Variants in RBM28 observed in about 807,000 individuals in gnomAD.
RBM28 encodes the protein RNA-binding protein 28.
RBM28 carries 78 observed loss-of-function variants against 98.3 expected under a neutral mutation model. The ratio of observed to expected loss-of-function variants is 0.79; its 90% confidence interval spans 0.66 to 0.96. RBM28 has a LOEUF of 0.96. Ranked by LOEUF, RBM28 falls within the 40% of genes least tolerant of loss-of-function variation. The pLI is 0.00. For synonymous variants in RBM28, 306 were observed against 330.9 expected (o/e 0.92, Z 0.82); for missense variants, 838 against 913.0 (o/e 0.92, Z 1.06).
In RBM28 at chr7:128,298,028, C is replaced by G. The variant is rs369207064; in HGVS notation, c.*12769G>C. On this transcript the variant is annotated 3_prime_UTR_variant, in exon 19 of 19. Transcript: ENST00000223073. ...GGGAGGGATAGCATTGGGAGATATA[C>G]CTAATGCTAGATGACGAGTTAGTGG... 1.0e-5 allele frequency: 1 copy of G among 98,886 alleles called. No individual in the cohort carries two copies. Among genetic ancestry groups the G allele is most frequent in the Admixed American group, 1.1e-4 (1 of 9,126 alleles). The allele number at this position is 98,886 out of a possible 1,614,324, so 6.1% of individuals were successfully genotyped here.
In RBM28 at chr7:128,314,774, G is replaced by C. The variant is rs182541865; in HGVS notation, c.2035C>G (p.Pro679Ala). 100 of 1,614,154 alleles carry C rather than the reference G, an allele frequency of 6.2e-5. No homozygotes were observed. The East Asian group carries it at 2.2e-3, about 35-fold the overall frequency. Residue 679 changes from proline (P) to alanine (A), a missense_variant, in exon 17 of 19, where the codon CCC becomes GCC. Physicochemically the swap from Pro to Ala is conservative, Grantham distance 27. Coordinates refer to ENST00000223073, the MANE Select transcript of RBM28 (RefSeq NM_018077.3). ...CCTCCTGCATCTCACCTGATTTTGG[G>C]GCCTCGGTGTGAGGGGAGCGCCAGG... ...KVLALPSHRG[P>A]KIRLRDKGKV...
rs1795879884 is a variant in RBM28, at chr7:128,306,997, C to G, written c.*3800G>C. ...GGATGTGAATAACTTCTAAACTGGTCAGCCTTGGACAAAAGGAAATCTGGA... is the reference window on the plus strand; with the variant it reads ...GGATGTGAATAACTTCTAAACTGGTGAGCCTTGGACAAAAGGAAATCTGGA... On this transcript the variant is annotated 3_prime_UTR_variant, in exon 19 of 19. Coordinates refer to ENST00000223073, the MANE Select transcript of RBM28 (RefSeq NM_018077.3). The G allele has an allele frequency of 6.6e-6, 1 of 152,258 alleles. No individual in the cohort carries two copies. Among genetic ancestry groups the G allele is most frequent in the African/African-American group, 2.4e-5 (1 of 41,458 alleles). 9.4% of individuals were successfully genotyped at this position (152,258 alleles called of 1,614,324 possible). A position where few individuals can be genotyped will look rare whatever the true frequency, so the allele number is the denominator to read the frequency against.
At chr7:128,342,091 T>C (rs1443463749) in intron 1 of RBM28, among the ~76,000 whole-genome samples, 1 of 151,820 alleles carries the variant, frequency 6.6e-6, no homozygotes, top group Non-Finnish European at 1.5e-5. Context: ...CCCAGGAGTT[T>C]AAGGTTACAT....
At position 128,339,289 on chromosome 7, in the gene RBM28, C is replaced by T; in HGVS notation, c.310G>A (p.Ala104Thr). The part of the protein sequence containing the change: ...NSECPKKEPK[A>T]KKAKVADKKA... ...TTATCTGCCACTTTGGCTTTTTTAG[C>T]CTTCGGCTCCTTCTTTGGGCACTCT... The change falls in exon 3 of 19, where the codon GCT becomes ACT. Residue 104 changes from alanine (A) to threonine (T), a missense_variant. Ala to Thr is a moderately conservative substitution (Grantham distance 58). Coordinates refer to ENST00000223073, the MANE Select transcript of RBM28 (RefSeq NM_018077.3). 1 of 1,613,368 alleles carries T rather than the reference C, an allele frequency of 6.2e-7. No individual in the cohort carries two copies. Among genetic ancestry groups the T allele is most frequent in the Non-Finnish European group, 8.5e-7 (1 of 1,179,398 alleles).
intron 2 of RBM28, 122 bp downstream of exon 2, chr7:128,339,511 G>T (rs1796675962): frequency 1.5e-6 from 2 of 1,329,104 alleles, no homozygotes; most frequent in Non-Finnish European, 2.1e-6. Context: ...TGATTTTGGA[G>T]ATCAAAAAGA....
At position 128,343,873 on chromosome 7, in the gene RBM28, G is replaced by T. The variant is rs761224808; in HGVS notation, c.-80C>A. The stretch of plus-strand genomic sequence containing the variant: ...CGAGCCGAAACGCTGGCTTTGGTAG[G>T]ACAACCAAGCTCACACGCCGAGAGA... On this transcript the variant is annotated 5_prime_UTR_variant, in exon 1 of 19. Transcript: ENST00000223073. The T allele has an allele frequency of 1.4e-5, 14 of 999,276 alleles. No homozygotes were observed. Among genetic ancestry groups the T allele is most frequent in the Non-Finnish European group, 1.9e-5 (13 of 683,808 alleles). 61.9% of individuals were successfully genotyped at this position (999,276 alleles called of 1,614,324 possible).
At chr7:128,325,953 T>G in intron 10 of RBM28, 62 bp from the exon 11 acceptor site, 1 of 1,313,830 alleles carries the variant, frequency 7.6e-7, no homozygotes. Context: ...AAAGACAACA[T>G]TGCAAATGGC....
Position 128,326,346 on chromosome 7 carries a change from G to GACGTTTT in RBM28, c.1130-462_1130-456dup, listed in dbSNP as rs556980107. Reference sequence around the variant, plus strand: ...AAGTACAGCCATGTACTTGCATAAGGACGTTTTGGTCAGTGACAGACTGCA... The same window carrying GACGTTTT: ...AAGTACAGCCATGTACTTGCATAAGGACGTTTTACGTTTTGGTCAGTGACAGACTGCA... On this transcript the variant is annotated intron_variant, in intron 10 of 18. Transcript: ENST00000223073. Among the ~76,000 whole-genome samples, 8 of 151,426 alleles carry GACGTTTT rather than the reference G, an allele frequency of 5.3e-5. No individual in the cohort carries two copies. In the East Asian group the frequency reaches 1.6e-3, roughly 29 times the overall value.
rs148524923 is a variant in RBM28, at chr7:128,332,931, G to A, written c.1019+359C>T. Reference sequence around the variant, plus strand: ...GGACACTGCATCAGAAGATAAGTTAGGCATAAAGACAGAAATCATTTGAGA... The same window carrying A: ...GGACACTGCATCAGAAGATAAGTTAAGCATAAAGACAGAAATCATTTGAGA... On this transcript the variant is annotated intron_variant, in intron 9 of 18. Transcript: ENST00000223073. Among the ~76,000 whole-genome samples the A allele has an allele frequency of 4.8e-3, 726 of 152,292 alleles. 9 individuals carry two copies. Among genetic ancestry groups the A allele is most frequent in the South Asian group, 0.042 (204 of 4,828 alleles).
intron 1 of RBM28, among the ~76,000 whole-genome samples, chr7:128,342,557 C>T (rs1796749129): frequency 6.6e-6 from 1 of 152,162 alleles, no homozygotes; most frequent in African/African-American, 2.4e-5. Context: ...TGACACTCGC[C>T]TGTAATCCCA....
Position 128,335,625 on chromosome 7 carries a change from A to C in RBM28, c.864T>G (p.Ser288Arg). The change falls in exon 8 of 19, where the codon AGT becomes AGG. Residue 288 changes from serine to arginine, a missense_variant. Coordinates refer to ENST00000223073, the MANE Select transcript of RBM28 (RefSeq NM_018077.3). ...CAATACTATCGCTTTCCTCTAGGTCACTGTCCTCCTCAGAATGATCACTGC... is the reference window on the plus strand; with the variant it reads ...CAATACTATCGCTTTCCTCTAGGTCCCTGTCCTCCTCAGAATGATCACTGC... ...AKSSDHSEED[S>R]DLEESDSIDD... is the part of the protein sequence containing the mutation. The C allele has an allele frequency of 1.2e-6, 2 of 1,614,162 alleles. No individual in the cohort carries two copies. Among genetic ancestry groups the C allele is most frequent in the Non-Finnish European group, 1.7e-6 (2 of 1,180,016 alleles).
Position 128,308,839 on chromosome 7 carries a change from G to C in RBM28, c.*1958C>G, listed in dbSNP as rs573797239. Reference sequence around the variant, plus strand: ...CTAAAAATACAAAAATTAGCCGGGCGTGGTGGCAGCACCTGTAATCCCCGC... The same window carrying C: ...CTAAAAATACAAAAATTAGCCGGGCCTGGTGGCAGCACCTGTAATCCCCGC... On this transcript the variant is annotated 3_prime_UTR_variant, in exon 19 of 19. Coordinates refer to ENST00000223073, the MANE Select transcript of RBM28 (RefSeq NM_018077.3). 1.3e-5 allele frequency: 2 copies of C among 152,054 alleles called. No individual in the cohort carries two copies. The highest frequency in any genetic ancestry group is 1.5e-5 in the Non-Finnish European group (1 of 68,110). The allele number at this position is 152,054 out of a possible 1,614,324, so 9.4% of individuals were successfully genotyped here.
At position 128,308,974 on chromosome 7, in the gene RBM28, C is replaced by CAAAAAAAAAAAAAAA. The variant is rs58579696; in HGVS notation, c.*1808_*1822dup. 1 of 73,770 alleles carries CAAAAAAAAAAAAAAA rather than the reference C, an allele frequency of 1.4e-5. No individual in the cohort carries two copies. The highest frequency in any genetic ancestry group is 5.8e-5 in the African/African-American group (1 of 17,314). 4.6% of individuals were successfully genotyped at this position (73,770 alleles called of 1,614,324 possible). On this transcript the variant is annotated 3_prime_UTR_variant, in exon 19 of 19. Coordinates refer to ENST00000223073, the MANE Select transcript of RBM28 (RefSeq NM_018077.3). ...CCTGGGCAACAGAGCAAGACTGTCT[C>CAAAAAAAAAAAAAAA]AAAAAAAAAAAAAAAAAAGAAATAA...
chr7:128,312,916 A>G (rs1207812927), intron 18 of RBM28, among the ~76,000 whole-genome samples: 4 of 152,178 alleles, frequency 2.6e-5, no homozygotes, highest in Admixed American at 6.5e-5. Flanking sequence ...TTGCTTTAAT[A>G]TACTCTAGTG....
chr7:128,310,373 G>A lies in RBM28; in HGVS notation c.*424C>T, dbSNP rs374825486. 4 of 269,932 alleles carry A rather than the reference G, an allele frequency of 1.5e-5. No individual in the cohort carries two copies. In the East Asian group the frequency reaches 2.9e-4, roughly 20 times the overall value. The allele number at this position is 269,932 out of a possible 1,614,324, so 16.7% of individuals were successfully genotyped here. On this transcript the variant is annotated 3_prime_UTR_variant, in exon 19 of 19. Coordinates refer to ENST00000223073, the MANE Select transcript of RBM28 (RefSeq NM_018077.3). ...CAAAGAATGTTCATACATAATAAAG[G>A]AGTCACACATATTAGAAATGACGTT... is the stretch of plus-strand genomic sequence containing the variant.
Position 128,324,617 on chromosome 7 carries a change from C to T in RBM28, c.1281G>A (p.Gln427=). 1.2e-6 allele frequency: 2 copies of T among 1,614,230 alleles called. No homozygotes were observed. The highest frequency in any genetic ancestry group is 1.7e-6 in the Non-Finnish European group (2 of 1,180,044). Residue 427 remains glutamine, a synonymous_variant, in exon 12 of 19, where the codon CAG becomes CAA. Transcript: ENST00000223073. ...CAGTCGGCTTCTTCACCTTCGTCGTCTGAAGCTTTGCAGCCTCATCACGGG... is the reference window on the plus strand; with the variant it reads ...CAGTCGGCTTCTTCACCTTCGTCGTTTGAAGCTTTGCAGCCTCATCACGGG... ...AVTRDEAAKL[Q]TTKVKKPTGT... is the part of the protein sequence containing the mutation.
chr7:128,343,478 G>T (rs1796772529), intron 1 of RBM28, among the ~76,000 whole-genome samples, 198 bp downstream of exon 1: 2 of 152,214 alleles, frequency 1.3e-5, no homozygotes, highest in African/African-American at 4.8e-5. Context: ...AAGCGCTATA[G>T]AAACGTAAGG....
At chr7:128,315,111 T>G (rs147116964) in intron 16 of RBM28, 91 bp from the exon 17 acceptor site, 1 of 1,556,806 alleles carries the variant, frequency 6.4e-7, no homozygotes, top group South Asian at 1.1e-5. Context: ...GTGAGCTAGA[T>G]GAAAGAAGAG....
intron 16 of RBM28, among the ~76,000 whole-genome samples, chr7:128,315,344 C>T (rs777223934): frequency 3.6e-4 from 55 of 152,244 alleles, no homozygotes; most frequent in Non-Finnish European, 7.2e-4. Context: ...AAGAAGAAAG[C>T]AAGCAACAGA....
Sources: gnomAD v4.1 joint callset for allele counts (sites outside exome capture counted in the v4.1 genomes callset) on GRCh38, gnomAD v4.1.1 for gene constraint, MANE v1.5 for transcripts, NCBI Gene and HGNC (gene_info 2026-07-23, HGNC 2026-07-21) for gene names.